The following SOX5 variants were observed in gnomAD, a reference collection of about 807,000 sequenced individuals.
SOX5 encodes SRY-box transcription factor 5.
A neutral mutation model predicts 92.0 loss-of-function variants in SOX5; 9 were observed. That is an observed-to-expected ratio of 0.10 (90% CI 0.06 to 0.17). The LOEUF (loss-of-function observed/expected upper bound fraction) is 0.17. Among genes scored for constraint, SOX5 ranks in the 10% least tolerant of loss-of-function variants. The pLI, the probability that SOX5 is intolerant of heterozygous loss-of-function variation, is 1.00. For synonymous variants in SOX5, 344 were observed against 336.3 expected (o/e 1.02, Z -0.25); for missense variants, 642 against 944.5 (o/e 0.68, Z 4.20).
intron 10 of SOX5, among the ~76,000 whole-genome samples, chr12:23,567,542 C>G (rs532608319): frequency 1.4e-5 from 2 of 144,998 alleles, no homozygotes; most frequent in East Asian, 4.1e-4. Flanking sequence ...CTCACTGCAA[C>G]CTTGAACTTC....
intron 8 of SOX5, among the ~76,000 whole-genome samples, chr12:23,614,873 C>G (rs1339415997): frequency 6.6e-6 from 1 of 152,224 alleles, no homozygotes; most frequent in Non-Finnish European, 1.5e-5. Context: ...ACAATCTTGG[C>G]TCACTGCAAC....
At chr12:23,553,474 A>T (rs1944586795) in intron 11 of SOX5, among the ~76,000 whole-genome samples, 1 of 152,082 alleles carries the variant, frequency 6.6e-6, no homozygotes, top group South Asian at 2.1e-4. Flanking sequence ...TATCACAGTA[A>T]AATATGGGCC....
chr12:24,312,477 C>T (rs1340493023), intron 2 of SOX5, among the ~76,000 whole-genome samples: 3 of 152,106 alleles, frequency 2.0e-5, no homozygotes, highest in African/African-American at 7.2e-5. Flanking sequence ...TTTATTTATT[C>T]ATTTGTTTAC....
At chr12:23,620,257 A>T (rs1283203209) in intron 8 of SOX5, among the ~76,000 whole-genome samples, 2 of 152,146 alleles carry the variant, frequency 1.3e-5, no homozygotes, top group Admixed American at 1.3e-4. Context: ...AGTGGGAGAG[A>T]TGTCTACAAA....
intron 4 of SOX5, among the ~76,000 whole-genome samples, chr12:23,958,914 G>T (rs1039007932): frequency 6.6e-6 from 1 of 151,704 alleles, no homozygotes; most frequent in Non-Finnish European, 1.5e-5. Context: ...TCATATATAT[G>T]ATAACACCTA....
At chr12:24,289,285 A>C (rs1324553579) in intron 2 of SOX5, among the ~76,000 whole-genome samples, 2 of 151,626 alleles carry the variant, frequency 1.3e-5, no homozygotes, top group Admixed American at 6.6e-5. Flanking sequence ...TGTCTCAAAA[A>C]AAAAACAAAA....
At chr12:23,788,154 A>G (rs997755681) in intron 3 of SOX5, among the ~76,000 whole-genome samples, 40 of 152,108 alleles carry the variant, frequency 2.6e-4, no homozygotes, top group African/African-American at 9.4e-4. Context: ...GAGTTACAGA[A>G]AGACAAAGTT....
intron 3 of SOX5, among the ~76,000 whole-genome samples, chr12:23,796,987 T>C (rs1288150312): frequency 2.0e-5 from 3 of 149,980 alleles, no homozygotes; most frequent in Admixed American, 6.7e-5. Context: ...TATTTAAACA[T>C]TTAAGGGGGA....
At chr12:24,520,924 A>T (rs937976255) in intron 1 of SOX5, among the ~76,000 whole-genome samples, 3 of 152,240 alleles carry the variant, frequency 2.0e-5, no homozygotes, top group Non-Finnish European at 2.9e-5. Flanking sequence ...ATATAATGAC[A>T]AAAAGGTCAA....
At chr12:24,304,266 A>G (rs1489959437) in intron 2 of SOX5, among the ~76,000 whole-genome samples, 1 of 152,232 alleles carries the variant, frequency 6.6e-6, no homozygotes, top group Non-Finnish European at 1.5e-5. Context: ...CTTCTAAGAA[A>G]TGGAAAACTG....
intron 3 of SOX5, among the ~76,000 whole-genome samples, chr12:23,843,553 C>T (rs1400828281): frequency 9.1e-5 from 9 of 98,676 alleles, no homozygotes; most frequent in African/African-American, 3.9e-4. Flanking sequence ...AGTCATTTCT[C>T]CTTTTTTTTT....
At chr12:24,452,613 T>C (rs556647835) in intron 1 of SOX5, among the ~76,000 whole-genome samples, 15 of 152,282 alleles carry the variant, frequency 9.9e-5, no homozygotes, top group African/African-American at 3.6e-4. Flanking sequence ...TGTTAGAATA[T>C]TTTTATATCT....
chr12:23,962,021 G>C (rs1234345359), intron 4 of SOX5, among the ~76,000 whole-genome samples: 1 of 152,164 alleles, frequency 6.6e-6, no homozygotes, highest in Non-Finnish European at 1.5e-5. Context: ...TGGAAAAAGT[G>C]ATAAGTTACA....
intron 3 of SOX5, among the ~76,000 whole-genome samples, chr12:24,240,403 C>G (rs1965346232): frequency 6.6e-6 from 1 of 152,070 alleles, no homozygotes; most frequent in Admixed American, 6.6e-5. Flanking sequence ...ACCACATTTC[C>G]CAAAACAACA....
chr12:24,193,897 A>G (rs1015667407), intron 4 of SOX5, among the ~76,000 whole-genome samples: 2 of 152,146 alleles, frequency 1.3e-5, no homozygotes, highest in Admixed American at 1.3e-4. Context: ...TTACAATTTC[A>G]GGAAAATCAC....
chr12:23,844,523 A>C (rs1382235617), intron 3 of SOX5, among the ~76,000 whole-genome samples: 1 of 151,534 alleles, frequency 6.6e-6, no homozygotes, highest in Non-Finnish European at 1.5e-5. Flanking sequence ...CAATGCAATC[A>C]AGTCTATTAA....
chr12:23,924,766 T>C (rs763477969), intron 1 of SOX5, among the ~76,000 whole-genome samples: 2 of 152,148 alleles, frequency 1.3e-5, no homozygotes, highest in Non-Finnish European at 2.9e-5. Flanking sequence ...AAATTATTAC[T>C]ATTGACTTCA....
intron 3 of SOX5, among the ~76,000 whole-genome samples, chr12:23,832,114 A>T (rs1006283600): frequency 6.6e-6 from 1 of 152,058 alleles, no homozygotes; most frequent in Admixed American, 6.6e-5. Context: ...GGCTTCAATT[A>T]TATTTGTCTT....
At chr12:23,824,824 A>C (rs2096197732) in intron 3 of SOX5, among the ~76,000 whole-genome samples, 1 of 152,218 alleles carries the variant, frequency 6.6e-6, no homozygotes. Context: ...TGGCTACAGT[A>C]GCTTTGCCGA....
Sources: allele counts gnomAD v4.1 joint callset (sites outside exome capture counted in the v4.1 genomes callset), GRCh38; gene constraint gnomAD v4.1.1; transcripts MANE v1.5; gene names NCBI Gene and HGNC (gene_info 2026-07-23, HGNC 2026-07-21).